Variants in SGCZ observed in about 807,000 individuals in gnomAD.
SGCZ encodes the protein sarcoglycan zeta.
SGCZ carries 40 observed loss-of-function variants against 41.3 expected under a neutral mutation model. That is an observed-to-expected ratio of 0.97 (90% confidence interval 0.75 to 1.26). The LOEUF is 1.26. Ranked by LOEUF, SGCZ falls within the 50% of genes most tolerant of loss-of-function variation. The pLI, the probability that SGCZ is intolerant of heterozygous loss-of-function variation, is 0.00. For missense variants in SGCZ, 552 were observed against 369.8 expected (o/e 1.49, Z -4.04); for synonymous variants, 206 against 137.5 (o/e 1.50, Z -3.49).
intron 1 of SGCZ, among the ~76,000 whole-genome samples, chr8:14,726,524 G>A (rs1397298): frequency 6.6e-6 from 1 of 151,104 alleles, no homozygotes; most frequent in African/African-American, 2.4e-5. Flanking sequence ...TTATGATAGA[G>A]GCACAGTATT....
chr8:15,203,297 C>T (rs1434452093), intron 1 of SGCZ, among the ~76,000 whole-genome samples: 1 of 152,008 alleles, frequency 6.6e-6, no homozygotes, highest in African/African-American at 2.4e-5. Flanking sequence ...CGGTCTTTTG[C>T]CTTTTATCTC....
intron 2 of SGCZ, among the ~76,000 whole-genome samples, chr8:14,411,789 G>T (rs1167433088): frequency 6.6e-6 from 1 of 152,028 alleles, no homozygotes; most frequent in East Asian, 1.9e-4. Context: ...TCACTGACAT[G>T]TTTCATTGAA....
intron 1 of SGCZ, among the ~76,000 whole-genome samples, chr8:15,216,231 T>TC (rs1801397030): frequency 1.3e-5 from 2 of 148,508 alleles, no homozygotes; most frequent in African/African-American, 2.5e-5. Flanking sequence ...TTCTTTTTTT[T>TC]TTTTTTTTGA....
chr8:14,716,065 T>C (rs1399033966), intron 1 of SGCZ, among the ~76,000 whole-genome samples: 1 of 151,950 alleles, frequency 6.6e-6, no homozygotes, highest in African/African-American at 2.4e-5. Context: ...CTTCGGAAAA[T>C]ACCAGATAGC....
intron 1 of SGCZ, among the ~76,000 whole-genome samples, chr8:14,634,625 G>T (rs1806768397): frequency 6.6e-6 from 1 of 151,702 alleles, no homozygotes; most frequent in South Asian, 2.1e-4. Flanking sequence ...TGCCTTGAAG[G>T]AGTAAAACCA....
At chr8:14,986,765 G>A (rs975923905) in intron 1 of SGCZ, among the ~76,000 whole-genome samples, 1 of 151,918 alleles carries the variant, frequency 6.6e-6, no homozygotes, top group Admixed American at 6.6e-5. Context: ...GTGAGCTGGA[G>A]AAGCCTAAGG....
chr8:14,408,923 T>C (rs907713743), intron 2 of SGCZ, among the ~76,000 whole-genome samples: 11 of 151,516 alleles, frequency 7.3e-5, no homozygotes, highest in Middle Eastern at 3.2e-3. Flanking sequence ...TATTACTTCA[T>C]AAAAGCTAAC....
At chr8:14,607,628 C>A (rs964273411) in intron 1 of SGCZ, among the ~76,000 whole-genome samples, 7 of 151,972 alleles carry the variant, frequency 4.6e-5, no homozygotes, top group Admixed American at 1.3e-4. Flanking sequence ...ACTGTGAGTG[C>A]GAGCAAAATG....
intron 2 of SGCZ, among the ~76,000 whole-genome samples, chr8:14,392,709 G>A (rs1182030278): frequency 1.3e-5 from 2 of 151,930 alleles, no homozygotes; most frequent in Non-Finnish European, 2.9e-5. Flanking sequence ...AATTATTTTT[G>A]GACTTAGCAA....
chr8:14,693,539 C>T (rs1397140778), intron 1 of SGCZ, among the ~76,000 whole-genome samples: 4 of 148,906 alleles, frequency 2.7e-5, no homozygotes, highest in Non-Finnish European at 5.9e-5. Context: ...TCCCCTCGGC[C>T]TCCCAAAGTA....
At chr8:15,029,686 T>G (rs1461793882) in intron 1 of SGCZ, among the ~76,000 whole-genome samples, 1 of 152,062 alleles carries the variant, frequency 6.6e-6, no homozygotes, top group African/African-American at 2.4e-5. Context: ...CATTGTAGAA[T>G]AAGAAAAAAT....
chr8:14,445,204 G>A (rs1471602342), intron 2 of SGCZ, among the ~76,000 whole-genome samples: 2 of 152,220 alleles, frequency 1.3e-5, no homozygotes, highest in African/African-American at 2.4e-5. Flanking sequence ...CGGGTCCCCA[G>A]TAAAACTCCA....
At chr8:15,183,373 G>T (rs1412271923) in intron 1 of SGCZ, among the ~76,000 whole-genome samples, 2 of 152,068 alleles carry the variant, frequency 1.3e-5, no homozygotes, top group Non-Finnish European at 2.9e-5. Flanking sequence ...CATTTTGATG[G>T]CAAGGACATC....
At chr8:14,533,201 G>T (rs1219040810) in intron 2 of SGCZ, among the ~76,000 whole-genome samples, 1 of 151,146 alleles carries the variant, frequency 6.6e-6, no homozygotes, top group Non-Finnish European at 1.5e-5. Context: ...GTATCCAAGT[G>T]TTCTCATTGT....
At chr8:15,005,423 C>G (rs1802577861) in intron 1 of SGCZ, among the ~76,000 whole-genome samples, 1 of 150,332 alleles carries the variant, frequency 6.7e-6, no homozygotes, top group South Asian at 2.1e-4. Context: ...CCTCTGCCTC[C>G]TGGGTTCGAG....
intron 1 of SGCZ, among the ~76,000 whole-genome samples, chr8:14,706,118 T>C (rs1036208306): frequency 6.6e-6 from 1 of 151,998 alleles, no homozygotes; most frequent in East Asian, 1.9e-4. Context: ...TTCCCCCCCA[T>C]GGTCTAATAG....
intron 6 of SGCZ, among the ~76,000 whole-genome samples, chr8:14,104,787 T>C (rs1802150380): frequency 6.6e-6 from 1 of 152,148 alleles, no homozygotes; most frequent in African/African-American, 2.4e-5. Context: ...AGAGATTAAC[T>C]TGGAGCCTGC....
chr8:15,202,161 G>A (rs1194430619), intron 1 of SGCZ, among the ~76,000 whole-genome samples: 2 of 152,112 alleles, frequency 1.3e-5, no homozygotes, highest in African/African-American at 4.8e-5. Flanking sequence ...TCAAAGCAAA[G>A]GAGGAATCTA....
intron 2 of SGCZ, among the ~76,000 whole-genome samples, chr8:14,389,073 A>G (rs1057385353): frequency 1.3e-5 from 2 of 152,030 alleles, no homozygotes; most frequent in African/African-American, 4.8e-5. Flanking sequence ...ATTTTTAGAT[A>G]TGAAAAATAG....
Sources: allele counts gnomAD v4.1 joint callset (sites outside exome capture counted in the v4.1 genomes callset), GRCh38; gene constraint gnomAD v4.1.1; transcripts MANE v1.5; gene names NCBI Gene and HGNC (gene_info 2026-07-23, HGNC 2026-07-21).